LAMA2: variants seen among roughly 807,000 people sequenced by gnomAD.
LAMA2 encodes the protein laminin subunit alpha-2.
A neutral mutation model predicts 364.8 loss-of-function variants in LAMA2; 269 were observed. The ratio of observed to expected loss-of-function variants is 0.74; its 90% CI spans 0.67 to 0.82. The LOEUF is 0.82. Ranked by LOEUF, LAMA2 falls within the 40% of genes least tolerant of loss-of-function variation. The pLI, the probability that LAMA2 is intolerant of heterozygous loss-of-function variation, is 0.00. For missense variants in LAMA2, 3,807 were observed against 3,873.2 expected, an observed-to-expected ratio of 0.98 and a Z score of 0.45; for synonymous variants, 1,379 against 1,370.6, an observed-to-expected ratio of 1.01 and a Z score of -0.14.
rs1346117710 is a variant in LAMA2 at position 129,100,193 on chromosome 6, G to A, written c.639+1778G>A. On this transcript the variant is annotated intron_variant, in intron 4 of 64. Transcript: ENST00000421865. The stretch of plus-strand genomic sequence containing the variant: ...TCCATTCCTTAAACCAAGTCAGCCT[G>A]CCAATATGAAACAAAAGACATGTTT... Among the ~76,000 whole-genome samples the A allele has an allele frequency of 2.0e-5, 3 of 152,102 alleles. 1 individual carries two copies. Among genetic ancestry groups the A allele is most frequent in the African/African-American group, 7.2e-5 (3 of 41,408 alleles).
intron 17 of LAMA2, among the ~76,000 whole-genome samples, chr6:129,273,103 GT>G (rs1442985082): frequency 6.6e-6 from 1 of 152,116 alleles, no homozygotes; most frequent in African/African-American, 2.4e-5. Flanking sequence ...AGAGAAACCT[GT>G]TGGAAAATAA....
intron 12 of LAMA2, among the ~76,000 whole-genome samples, chr6:129,239,572 A>G (rs2115152427): frequency 6.6e-6 from 1 of 152,322 alleles, no homozygotes; most frequent in Middle Eastern, 3.4e-3. Context: ...CTCAGCAGAT[A>G]TAGGAATTCC....
rs751046931 is a variant in LAMA2, at chr6:129,427,812, A to T, written c.5926A>T (p.Arg1976Trp). The T allele has an allele frequency of 1.2e-5, 19 of 1,613,814 alleles. No homozygotes were observed. The Middle Eastern group carries it at 6.6e-4, about 56-fold the overall frequency. The change falls in exon 41 of 65, where the codon AGG becomes TGG. Residue 1976 changes from arginine (R) to tryptophan (W), a missense_variant. This residue lies in a region of LAMA2 where 3,333 missense variants were observed against 3,345.7 expected (regional missense o/e 1.00). Transcript: ENST00000421865. ...CAAAGGCTGTCTTCAGAAAAGCTTC[A>T]GGATTCTTAACGAAGCCAAGAAGTT... Reference protein sequence around the residue: ...DAKGCLQKSFRILNEAKKLAN... With the variant: ...DAKGCLQKSFWILNEAKKLAN...
intron 1 of LAMA2, among the ~76,000 whole-genome samples, chr6:129,024,805 C>T (rs931372642): frequency 2.0e-5 from 3 of 151,988 alleles, no homozygotes; most frequent in African/African-American, 7.2e-5. Context: ...AAAAGTGAGA[C>T]CAGCATGGTG....
In LAMA2 at chr6:129,058,981, C is replaced by CAGAT. The variant is rs1234177941; in HGVS notation, c.284-800_284-797dup. Reference sequence around the variant, plus strand: ...GACAAAGTCTGTTGGGCCCACAGAGCAGATAGTGGTTTGTAACAAAAGTCT... The same window carrying CAGAT: ...GACAAAGTCTGTTGGGCCCACAGAGCAGATAGATAGTGGTTTGTAACAAAAGTCT... On this transcript the variant is annotated intron_variant, in intron 2 of 64. Coordinates refer to ENST00000421865, the MANE Select transcript of LAMA2 (RefSeq NM_000426.4). Among the ~76,000 whole-genome samples the CAGAT allele has an allele frequency of 2.0e-5, 3 of 152,272 alleles. No individual in the cohort carries two copies. The East Asian group carries it at 5.8e-4, about 29-fold the overall frequency.
In LAMA2 at chr6:129,219,107, T is replaced by A. The variant is rs117629772; in HGVS notation, c.1782+26254T>A. On this transcript the variant is annotated intron_variant, in intron 12 of 64. Coordinates refer to ENST00000421865, the MANE Select transcript of LAMA2 (RefSeq NM_000426.4). ...TCAAAAAGACACTCTAAAATAGCAGTCTCCAAGAACCCAGGAAGTATGTGA... is the reference window on the plus strand; with the variant it reads ...TCAAAAAGACACTCTAAAATAGCAGACTCCAAGAACCCAGGAAGTATGTGA... 5.4e-3 allele frequency among the ~76,000 whole-genome samples: 819 copies of A among 152,206 alleles called. 7 individuals are homozygous for A. Among genetic ancestry groups the A allele is most frequent in the Middle Eastern group, 0.01 (3 of 294 alleles).
Position 129,381,278 on chromosome 6 carries a change from T to C in LAMA2, c.4960-1844T>C, listed in dbSNP as rs114725762. Among the ~76,000 whole-genome samples, 1,301 of 152,228 alleles carry C rather than the reference T, an allele frequency of 8.5e-3. 33 individuals are homozygous for C. The highest frequency in any genetic ancestry group is 0.03 in the African/African-American group (1,248 of 41,554). ...TGAAAGTAAGAGTGGTACCATAAAGTTCAGTCAAGTCTAGACTAGAAAAAT... is the reference window on the plus strand; with the variant it reads ...TGAAAGTAAGAGTGGTACCATAAAGCTCAGTCAAGTCTAGACTAGAAAAAT... On this transcript the variant is annotated intron_variant, in intron 34 of 64. Coordinates refer to ENST00000421865, the MANE Select transcript of LAMA2 (RefSeq NM_000426.4).
At position 128,925,848 on chromosome 6, in the gene LAMA2, C is replaced by A. The variant is rs528579347; in HGVS notation, c.112+42491C>A. Among the ~76,000 whole-genome samples, 257 of 151,968 alleles carry A rather than the reference C, an allele frequency of 1.7e-3. 1 individual carries two copies. The highest frequency in any genetic ancestry group is 6.1e-3 in the African/African-American group (251 of 41,454). On this transcript the variant is annotated intron_variant, in intron 1 of 64. Coordinates refer to ENST00000421865, the MANE Select transcript of LAMA2 (RefSeq NM_000426.4). ...TTTTCACATAAATGCTATCTTAATG[C>A]ATATCTTGTTCTGCATGTTCAACAA... is the stretch of plus-strand genomic sequence containing the variant.
intron 29 of LAMA2, among the ~76,000 whole-genome samples, chr6:129,329,510 C>T (rs1250981688): frequency 3.3e-5 from 5 of 152,076 alleles, no homozygotes; most frequent in South Asian, 2.1e-4. Context: ...TACAGGCTCA[C>T]GCCACCACAC....
At chr6:129,466,204 G>T (rs574522467) in intron 51 of LAMA2, among the ~76,000 whole-genome samples, 63 of 151,962 alleles carry the variant, frequency 4.1e-4, no homozygotes, top group African/African-American at 1.4e-3. Flanking sequence ...AACTTGCATC[G>T]AACTGGGGAG....
At position 129,382,034 on chromosome 6, in the gene LAMA2, A is replaced by G. The variant is rs141409920; in HGVS notation, c.4960-1088A>G. ...CTGTGCTGGCCAGACATTTAGTTCT[A>G]TTTAAAATCCACTTACGTATATTTT... On this transcript the variant is annotated intron_variant, in intron 34 of 64. Transcript: ENST00000421865. Among the ~76,000 whole-genome samples the G allele has an allele frequency of 2.1e-3, 326 of 152,326 alleles. 1 individual carries two copies. Among genetic ancestry groups the G allele is most frequent in the African/African-American group, 7.2e-3 (300 of 41,578 alleles).
At chr6:129,275,503 T>C (rs1463392177) in intron 17 of LAMA2, among the ~76,000 whole-genome samples, 1 of 151,846 alleles carries the variant, frequency 6.6e-6, no homozygotes, top group African/African-American at 2.4e-5. Context: ...ATCAATAGAA[T>C]TTAATGTCAG....
chr6:129,388,473 A>G (rs1406563998), intron 35 of LAMA2, among the ~76,000 whole-genome samples: 3 of 152,164 alleles, frequency 2.0e-5, no homozygotes, highest in African/African-American at 7.2e-5. Context: ...AGATACAGCC[A>G]TATTTGCCTT....
At chr6:129,060,065 G>A (rs973517150) in intron 3 of LAMA2, among the ~76,000 whole-genome samples, 169 bp downstream of exon 3, 7 of 152,214 alleles carry the variant, frequency 4.6e-5, no homozygotes, top group Middle Eastern at 3.4e-3. Context: ...TGTTATTTAC[G>A]AGTATTCAGC....
chr6:129,371,666 G>A (rs567034192), intron 34 of LAMA2, among the ~76,000 whole-genome samples: 127 of 151,100 alleles, frequency 8.4e-4, no homozygotes, highest in Middle Eastern at 6.8e-3. Context: ...GAGTGCAGTG[G>A]TGCGATCTTG....
At chr6:129,242,939 A>T (rs947351791) in intron 12 of LAMA2, among the ~76,000 whole-genome samples, 2 of 152,156 alleles carry the variant, frequency 1.3e-5, no homozygotes, top group African/African-American at 4.8e-5. Flanking sequence ...TAAGCACATC[A>T]TCTTCTTCTA....
intron 30 of LAMA2, among the ~76,000 whole-genome samples, 188 bp downstream of exon 30, chr6:129,342,655 A>T (rs1283506987): frequency 6.6e-6 from 1 of 152,130 alleles, no homozygotes; most frequent in East Asian, 1.9e-4. Flanking sequence ...TTTCCTTTGA[A>T]ACTCTGTCCC....
intron 12 of LAMA2, among the ~76,000 whole-genome samples, chr6:129,205,630 T>A (rs1044222153): frequency 6.6e-6 from 1 of 151,518 alleles, no homozygotes; most frequent in African/African-American, 2.4e-5. Flanking sequence ...ATTAAATGAG[T>A]TTTGGTACAC....
Position 129,369,987 on chromosome 6 carries a change from C to G in LAMA2, c.4956C>G (p.Thr1652=), listed in dbSNP as rs17057184. The G allele has an allele frequency of 0.067, 107,519 of 1,613,146 alleles. 4,638 individuals are homozygous for G. The highest frequency in any genetic ancestry group is 0.17 in the Admixed American group (10,390 of 59,978). The change falls in exon 34 of 65, where the codon ACC becomes ACG. Residue 1652 remains threonine (T), a synonymous_variant. Transcript: ENST00000421865. ...TLVTEMNELL[T]RATKVTADGE... is the part of the protein sequence containing the mutation. Reference sequence around the variant, plus strand: ...TGACCGAAATGAACGAGCTGCTGACCAGGGTAAGGTGGCAAAATTATGAAT... The same window carrying G: ...TGACCGAAATGAACGAGCTGCTGACGAGGGTAAGGTGGCAAAATTATGAAT...
Sources: allele counts gnomAD v4.1 joint callset (sites outside exome capture counted in the v4.1 genomes callset), GRCh38; gene constraint gnomAD v4.1.1; regional missense constraint gnomAD v4.1.1; transcripts MANE v1.5; gene names NCBI Gene and HGNC (gene_info 2026-07-23, HGNC 2026-07-21).